DACH1: variants seen among roughly 807,000 people sequenced by gnomAD.
DACH1 encodes dachshund homolog 1.
In DACH1, 12 loss-of-function variants were observed where a neutral mutation model predicts 54.2. The ratio of observed to expected loss-of-function variants is 0.22; its 90% CI spans 0.14 to 0.36. The LOEUF is 0.36. Among genes scored for constraint, DACH1 ranks in the 10% least tolerant of loss-of-function variants. The probability of loss-of-function intolerance (pLI) is 1.00; values close to 1 mark genes in which losing one functional copy is unlikely to be tolerated. For missense variants in DACH1, 805 were observed against 929.8 expected, an observed-to-expected ratio of 0.87 and a Z score of 1.75; for synonymous variants, 386 against 366.2, an observed-to-expected ratio of 1.05 and a Z score of -0.62.
intron 4 of DACH1, among the ~76,000 whole-genome samples, chr13:71,563,571 AG>A (rs944906857): frequency 6.6e-5 from 10 of 152,064 alleles, no homozygotes; most frequent in African/African-American, 2.4e-4. Context: ...TAAATGTCAA[AG>A]TTGTCTGTGA....
chr13:71,498,072 C>A (rs576949198), intron 6 of DACH1, among the ~76,000 whole-genome samples: 52 of 152,210 alleles, frequency 3.4e-4, no homozygotes, highest in Admixed American at 1.8e-3. Flanking sequence ...GGAATGAAAT[C>A]ATTGTGTTTG....
At chr13:71,864,838 G>A (rs1220745870) in intron 1 of DACH1, among the ~76,000 whole-genome samples, 1 of 151,394 alleles carries the variant, frequency 6.6e-6, no homozygotes, top group Admixed American at 6.6e-5. Flanking sequence ...CTCCGTGCGC[G>A]CGCTTTGCTG....
rs1884629261 is a variant in DACH1, at chr13:71,747,041, C to T, written c.849-65131G>A. On this transcript the variant is annotated intron_variant, in intron 1 of 10. Transcript: ENST00000613252. Reference sequence around the variant, plus strand: ...ATGTATATGTACTGACACATAATAGCTATATCTATCAACTATTTTTGCATT... The same window carrying T: ...ATGTATATGTACTGACACATAATAGTTATATCTATCAACTATTTTTGCATT... Among the ~76,000 whole-genome samples, 3 of 151,932 alleles carry T rather than the reference C, an allele frequency of 2.0e-5. No individual in the cohort carries two copies. The South Asian group carries it at 6.2e-4, about 31-fold the overall frequency.
chr13:71,535,999 T>C (rs1882763557), intron 6 of DACH1, among the ~76,000 whole-genome samples: 1 of 151,998 alleles, frequency 6.6e-6, no homozygotes, highest in Non-Finnish European at 1.5e-5. Flanking sequence ...CTTTAAATGA[T>C]TAATTCTCAT....
intron 1 of DACH1, among the ~76,000 whole-genome samples, chr13:71,842,838 T>C (rs1872968929): frequency 6.6e-6 from 1 of 152,200 alleles, no homozygotes; most frequent in African/African-American, 2.4e-5. Context: ...GAAAATGATT[T>C]CACAATCCAA....
intron 2 of DACH1, among the ~76,000 whole-genome samples, chr13:71,655,866 A>C (rs1879058137): frequency 6.6e-6 from 1 of 152,132 alleles, no homozygotes; most frequent in Non-Finnish European, 1.5e-5. Flanking sequence ...AACTTTATTT[A>C]CAAAATGTCA....
chr13:71,505,090 C>CTTCT (rs1555288702), intron 6 of DACH1, among the ~76,000 whole-genome samples: 13 of 151,724 alleles, frequency 8.6e-5, no homozygotes, highest in Non-Finnish European at 1.5e-4. Context: ...TCCTTCCTTC[C>CTTCT]TTCTTTCTTT....
At chr13:71,720,209 G>T (rs1302666330) in intron 1 of DACH1, among the ~76,000 whole-genome samples, 5 of 152,132 alleles carry the variant, frequency 3.3e-5, no homozygotes. Context: ...GATCAGGAAA[G>T]CAAAGGAAAG....
rs984991702 is a variant in DACH1 at position 71,756,216 on chromosome 13, T to C, written c.849-74306A>G. Among the ~76,000 whole-genome samples the C allele has an allele frequency of 2.0e-5, 3 of 151,824 alleles. No individual in the cohort carries two copies. The East Asian group carries it at 5.8e-4, about 30-fold the overall frequency. On this transcript the variant is annotated intron_variant, in intron 1 of 10. Coordinates refer to ENST00000613252, the MANE Select transcript of DACH1 (RefSeq NM_080759.6). ...CGGCTAATTTTTTTTTCTTTTTTTT[T>C]GTATTTTTAGTAGAGACAGGTTCTC...
At chr13:71,506,943 C>G in intron 6 of DACH1, among the ~76,000 whole-genome samples, 1 of 150,720 alleles carries the variant, frequency 6.6e-6, no homozygotes, top group African/African-American at 2.4e-5. Context: ...GACCTAAAAC[C>G]ATAAAAACCC....
At position 71,445,498 on chromosome 13, in the gene DACH1, T is replaced by C. The variant is rs528490450; in HGVS notation, c.2084-4806A>G. The stretch of plus-strand genomic sequence containing the variant: ...TGTATCAAGCATTAAAGATGTCAGC[T>C]ATAAAATAGACCCCACCTGTCACAT... On this transcript the variant is annotated intron_variant, in intron 10 of 10. Coordinates refer to ENST00000613252, the MANE Select transcript of DACH1 (RefSeq NM_080759.6). 3.9e-5 allele frequency among the ~76,000 whole-genome samples: 6 copies of C among 152,320 alleles called. No individual in the cohort carries two copies. The South Asian group carries it at 1.2e-3, about 32-fold the overall frequency.
At chr13:71,825,991 A>C (rs1888362753) in intron 1 of DACH1, among the ~76,000 whole-genome samples, 1 of 152,098 alleles carries the variant, frequency 6.6e-6, no homozygotes, top group African/African-American at 2.4e-5. Flanking sequence ...TGTAAAGCTA[A>C]AGAGATGGAA....
chr13:71,805,876 C>T (rs2138137370), intron 1 of DACH1, among the ~76,000 whole-genome samples: 1 of 152,114 alleles, frequency 6.6e-6, no homozygotes, highest in East Asian at 1.9e-4. Flanking sequence ...GGCATGATCT[C>T]ATCTCACTGC....
chr13:71,592,450 G>A (rs1873781228), intron 3 of DACH1, among the ~76,000 whole-genome samples: 1 of 135,476 alleles, frequency 7.4e-6, no homozygotes, highest in Admixed American at 8.3e-5. Flanking sequence ...AGTCATAACC[G>A]TGCCACTGCT....
Position 71,866,756 on chromosome 13 carries a change from G to A in DACH1, c.14C>T (p.Ala5Val). The change falls in exon 1 of 11, where the codon GCG becomes GTG. Residue 5 changes from alanine (A) to valine (V), a missense_variant. Coordinates refer to ENST00000613252, the MANE Select transcript of DACH1 (RefSeq NM_080759.6). Reference sequence around the variant, plus strand: ...CAGCTGGGTCGGAGGGATCAAAGCCGCCGGCACTGCCATGGTCACATATAA... The same window carrying A: ...CAGCTGGGTCGGAGGGATCAAAGCCACCGGCACTGCCATGGTCACATATAA... MAVPAALIPPTQLVP... is the reference protein window; with the variant it reads MAVPVALIPPTQLVP... The A allele has an allele frequency of 7.3e-7, 1 of 1,376,866 alleles. No homozygotes were observed. Among genetic ancestry groups the A allele is most frequent in the Non-Finnish European group, 9.5e-7 (1 of 1,056,824 alleles). 85.3% of individuals were successfully genotyped at this position (1,376,866 alleles called of 1,614,324 possible).
intron 1 of DACH1, among the ~76,000 whole-genome samples, chr13:71,757,021 T>A (rs73525432): frequency 2.7e-3 from 410 of 152,246 alleles, no homozygotes; most frequent in African/African-American, 9.5e-3. Flanking sequence ...TTAAGTACAA[T>A]TCAATGCATA....
chr13:71,513,572 C>T (rs1318994177), intron 6 of DACH1, among the ~76,000 whole-genome samples: 2 of 152,004 alleles, frequency 1.3e-5, no homozygotes, highest in Non-Finnish European at 2.9e-5. Flanking sequence ...TATTATGGAA[C>T]AGATGTTAAA....
At chr13:71,482,126 A>C (rs1878092639) in intron 7 of DACH1, among the ~76,000 whole-genome samples, 1 of 152,198 alleles carries the variant, frequency 6.6e-6, no homozygotes, top group Non-Finnish European at 1.5e-5. Flanking sequence ...GATTGACCCC[A>C]AATTTTTTTT....
chr13:71,638,596 A>T (rs1458783593), intron 2 of DACH1, among the ~76,000 whole-genome samples: 1 of 152,080 alleles, frequency 6.6e-6, no homozygotes, highest in South Asian at 2.1e-4. Context: ...AGAAGAGTGT[A>T]TTTTTAATTT....
Sources: gnomAD v4.1 joint callset for allele counts (sites outside exome capture counted in the v4.1 genomes callset) on GRCh38, gnomAD v4.1.1 for gene constraint, MANE v1.5 for transcripts, NCBI Gene and HGNC (gene_info 2026-07-23, HGNC 2026-07-21) for gene names.